The following COL6A5 variants were observed in gnomAD, a reference collection of about 807,000 sequenced individuals.
COL6A5 encodes the protein collagen type VI alpha 5 chain.
A neutral mutation model predicts 65.6 loss-of-function variants in COL6A5; 48 were observed. That is an observed-to-expected ratio of 0.73 (90% confidence interval 0.58 to 0.93). The LOEUF (loss-of-function observed/expected upper bound fraction) is 0.93. COL6A5 is among the 40% of genes least tolerant of loss of function. The pLI, the probability that COL6A5 is intolerant of heterozygous loss-of-function variation, is 0.00. For missense variants in COL6A5, 914 were observed against 928.3 expected, an observed-to-expected ratio of 0.98 and a Z score of 0.20; for synonymous variants, 291 against 322.8, an observed-to-expected ratio of 0.90 and a Z score of 1.05.
intron 7 of COL6A5, chr3:130,477,195 G>A: frequency 1.2e-6 from 1 of 827,190 alleles, no homozygotes; most frequent in Non-Finnish European, 1.9e-6. Flanking sequence ...CTATCTCTGA[G>A]TTGTTGAAAA....
intron 4 of COL6A5, among the ~76,000 whole-genome samples, chr3:130,381,127 C>G (rs959143534): frequency 6.6e-6 from 1 of 152,118 alleles, no homozygotes; most frequent in African/African-American, 2.4e-5. Flanking sequence ...TACTTGGTCA[C>G]ATGCCACACC....
At chr3:130,368,907 A>C (rs922582884) in intron 1 of COL6A5, among the ~76,000 whole-genome samples, 18 of 152,220 alleles carry the variant, frequency 1.2e-4, no homozygotes, top group Admixed American at 6.5e-5. Context: ...CAGGGAGGCT[A>C]AGCCGAGAAT....
chr3:130,434,946 A>G (rs1937978849), intron 1 of COL6A5, among the ~76,000 whole-genome samples: 1 of 152,138 alleles, frequency 6.6e-6, no homozygotes, highest in African/African-American at 2.4e-5. Context: ...TAGTTTAATT[A>G]GATTCCATTT....
upstream of COL6A5, among the ~76,000 whole-genome samples, chr3:130,428,682 G>T (rs938541968): frequency 1.3e-5 from 2 of 152,092 alleles, no homozygotes; most frequent in Non-Finnish European, 2.9e-5. Flanking sequence ...TACTCAGTCA[G>T]GAAAAAGGGG....
At chr3:130,442,330 A>G (rs184722157) in intron 3 of COL6A5, among the ~76,000 whole-genome samples, 1 of 152,112 alleles carries the variant, frequency 6.6e-6, no homozygotes, top group East Asian at 1.9e-4. Flanking sequence ...TCAGAATTTG[A>G]CTCTTGTGAG....
At chr3:130,398,182 G>A in intron 10 of COL6A5, 71 bp downstream of exon 10, 3 of 1,037,472 alleles carry the variant, frequency 2.9e-6, no homozygotes, top group Non-Finnish European at 4.2e-6. Context: ...CCAGGTTGGA[G>A]TGCAGTGGCA....
At chr3:130,365,612 C>A (rs886260103) in intron 1 of COL6A5, among the ~76,000 whole-genome samples, 28 of 152,166 alleles carry the variant, frequency 1.8e-4, no homozygotes, top group African/African-American at 6.5e-4. Flanking sequence ...ATGTAAACTT[C>A]TCAACAACAC....
In COL6A5 at chr3:130,465,807, G is replaced by A. The variant is rs182974425; in HGVS notation, c.1545-2988G>A. Among the ~76,000 whole-genome samples, 282 of 152,024 alleles carry A rather than the reference G, an allele frequency of 1.9e-3. 5 individuals carry two copies. The highest frequency in any genetic ancestry group is 7.2e-4 in the Non-Finnish European group (49 of 67,932). ...AAGATATCAAACCAGTCATTGTAAC[G>A]GTATTCAATATGTTAAAAAGTTAAG... On this transcript the variant is annotated intron_variant, in intron 5 of 7. Transcript: ENST00000512836.
intron 10 of COL6A5, among the ~76,000 whole-genome samples, chr3:130,399,228 CT>C (rs1936721589): frequency 6.6e-6 from 1 of 152,184 alleles, no homozygotes; most frequent in Non-Finnish European, 1.5e-5. Flanking sequence ...TGTTTTATTG[CT>C]CAGTTGTGTC....
At chr3:130,418,507 G>A (rs1051420223) in intron 24 of COL6A5, among the ~76,000 whole-genome samples, 1 of 152,034 alleles carries the variant, frequency 6.6e-6, no homozygotes, top group African/African-American at 2.4e-5. Context: ...TCTTTTTCCA[G>A]CCAGGTGAGG....
chr3:130,381,324 A>C (rs1303545976), intron 4 of COL6A5, among the ~76,000 whole-genome samples: 1 of 151,842 alleles, frequency 6.6e-6, no homozygotes, highest in Non-Finnish European at 1.5e-5. Context: ...TTCCTTAAAT[A>C]CTCTTTTGAA....
In COL6A5 at chr3:130,395,094, C is replaced by T. The variant is rs1171270671; in HGVS notation, c.3197C>T (p.Thr1066Ile). The change falls in exon 8 of 42, where the codon ACC (threonine) becomes ATC (isoleucine). Residue 1066 changes from threonine (T) to isoleucine (I), a missense_variant and NMD_transcript_variant. Transcript: ENST00000312481. ...GAGTTGAAAAACTCTCTGACTAAAA[C>T]CCAGTGGAAGACTCAAATTCAGAAT... The T allele has an allele frequency of 4.5e-6, 7 of 1,551,440 alleles. No homozygotes were observed. In the East Asian group the frequency reaches 1.7e-4, roughly 38 times the overall value.
At chr3:130,474,922 G>T (rs2107620686) in intron 7 of COL6A5, among the ~76,000 whole-genome samples, 1 of 142,274 alleles carries the variant, frequency 7.0e-6, no homozygotes, top group East Asian at 2.2e-4. Context: ...TGGAATAATT[G>T]CTTGAGCCCC....
chr3:130,350,955 C>T (rs988808021), intron 1 of COL6A5, among the ~76,000 whole-genome samples: 3 of 152,090 alleles, frequency 2.0e-5, no homozygotes, highest in Non-Finnish European at 4.4e-5. Flanking sequence ...GTACTGGTAC[C>T]AAAACAGAGA....
At chr3:130,418,954 C>A (rs1428154827) in intron 25 of COL6A5, 23 bp downstream of exon 25, 3 of 1,545,776 alleles carry the variant, frequency 1.9e-6, no homozygotes, top group Non-Finnish European at 2.6e-6. Context: ...GAAGTCCCTA[C>A]CCTCCCCAGA....
At chr3:130,395,585 T>C in intron 8 of COL6A5, 120 bp downstream of exon 8, 2 of 798,984 alleles carry the variant, frequency 2.5e-6, no homozygotes, top group Non-Finnish European at 2.0e-6. Context: ...AGTGAGAATA[T>C]CTCACTTGTT....
chr3:130,358,111 C>T (rs542295411), intron 1 of COL6A5, among the ~76,000 whole-genome samples: 18 of 151,956 alleles, frequency 1.2e-4, no homozygotes, highest in Non-Finnish European at 2.5e-4. Flanking sequence ...ATGGCGTGAA[C>T]CTGGGAGGCG....
At chr3:130,423,051 G>A (rs968365190) in intron 28 of COL6A5, among the ~76,000 whole-genome samples, 7 of 152,070 alleles carry the variant, frequency 4.6e-5, no homozygotes, top group African/African-American at 1.7e-4. Flanking sequence ...ATAACTTGCT[G>A]TTCCAAGAAA....
intron 1 of COL6A5, among the ~76,000 whole-genome samples, chr3:130,353,049 A>G (rs1440256202): frequency 2.0e-5 from 3 of 152,236 alleles, no homozygotes; most frequent in Admixed American, 2.0e-4. Context: ...ACTGTAAATA[A>G]GAGAATCAAG....
Sources: gnomAD v4.1 joint callset for allele counts (sites outside exome capture counted in the v4.1 genomes callset) on GRCh38, gnomAD v4.1.1 for gene constraint, MANE v1.5 for transcripts, NCBI Gene and HGNC (gene_info 2026-07-23, HGNC 2026-07-21) for gene names.